WDR27: variants seen among roughly 807,000 people sequenced by gnomAD.
WDR27 encodes the protein WD repeat-containing protein 27.
In WDR27, 100 loss-of-function variants were observed where a neutral mutation model predicts 114.4. The observed-to-expected ratio is 0.87, with a 90% CI of 0.74 to 1.03. The LOEUF (loss-of-function observed/expected upper bound fraction) is 1.03, where lower values mean the gene tolerates loss of function less well. WDR27 is among the 50% of genes least tolerant of loss of function. WDR27 has a pLI of 0.00. For synonymous variants in WDR27, 449 were observed against 423.1 expected (o/e 1.06, Z -0.75); for missense variants, 1,129 against 1,092.9 (o/e 1.03, Z -0.47).
intron 21 of WDR27, among the ~76,000 whole-genome samples, chr6:169,619,237 T>C (rs917400591): frequency 6.6e-6 from 1 of 152,168 alleles, no homozygotes; most frequent in Non-Finnish European, 1.5e-5. Flanking sequence ...TCTCCTTGAA[T>C]TGGGAAATTA....
intron 17 of WDR27, among the ~76,000 whole-genome samples, chr6:169,643,446 ACT>A (rs1486959769): frequency 6.6e-6 from 1 of 152,184 alleles, no homozygotes; most frequent in Non-Finnish European, 1.5e-5. Context: ...CTCCCCTAAA[ACT>A]CTACAAATGA....
intron 23 of WDR27, among the ~76,000 whole-genome samples, chr6:169,589,759 C>T (rs1471444642): frequency 6.6e-6 from 1 of 151,998 alleles, no homozygotes; most frequent in Non-Finnish European, 1.5e-5. Flanking sequence ...TGACACAGAG[C>T]GATGGTAATG....
intron 25 of WDR27, among the ~76,000 whole-genome samples, chr6:169,480,291 C>A (rs952633879): frequency 4.6e-5 from 7 of 152,296 alleles, no homozygotes; most frequent in Non-Finnish European, 8.8e-5. Context: ...GGGCTCGGGA[C>A]CTGCAGCCTG....
intron 25 of WDR27, among the ~76,000 whole-genome samples, chr6:169,570,583 CTT>C (rs1216305774): frequency 2.0e-5 from 3 of 152,198 alleles, no homozygotes; most frequent in Admixed American, 2.0e-4. Context: ...AATCCCAACA[CTT>C]TGGGAGGCCT....
chr6:169,482,509 A>G (rs1186880758), intron 25 of WDR27, among the ~76,000 whole-genome samples: 1 of 152,190 alleles, frequency 6.6e-6, no homozygotes, highest in Non-Finnish European at 1.5e-5. Flanking sequence ...CATTTCTCTT[A>G]TAATCAGTGA....
intron 2 of WDR27, 116 bp downstream of exon 2, chr6:169,688,701 T>C: frequency 1.8e-6 from 1 of 559,290 alleles, no homozygotes; most frequent in Non-Finnish European, 2.9e-6. Flanking sequence ...ATCAATATTT[T>C]TCTCCTATAG....
chr6:169,473,780 A>T (rs546175570), intron 25 of WDR27, among the ~76,000 whole-genome samples: 1 of 152,332 alleles, frequency 6.6e-6, no homozygotes, highest in Non-Finnish European at 1.5e-5. Context: ...TTCTCCTTAC[A>T]CTTCTTTCTC....
At chr6:169,530,445 T>A (rs1006189521) in intron 25 of WDR27, among the ~76,000 whole-genome samples, 2 of 152,234 alleles carry the variant, frequency 1.3e-5, no homozygotes, top group Non-Finnish European at 2.9e-5. Flanking sequence ...TATCAACATT[T>A]ACAAATGCTG....
At chr6:169,499,235 G>C (rs116636964) in intron 25 of WDR27, among the ~76,000 whole-genome samples, 1 of 152,192 alleles carries the variant, frequency 6.6e-6, no homozygotes, top group South Asian at 2.1e-4. Context: ...ATGTTCTCCC[G>C]GAGCCCAGCG....
At chr6:169,558,094 G>A (rs1363280556) in intron 25 of WDR27, among the ~76,000 whole-genome samples, 1 of 151,946 alleles carries the variant, frequency 6.6e-6, no homozygotes, top group African/African-American at 2.4e-5. Flanking sequence ...GGTGTGCCCT[G>A]CATTTCATCA....
intron 24 of WDR27, among the ~76,000 whole-genome samples, chr6:169,573,627 T>C (rs901947444): frequency 1.1e-4 from 17 of 152,154 alleles, no homozygotes; most frequent in African/African-American, 3.9e-4. Flanking sequence ...AATAGAAAAT[T>C]GATGATTGCG....
At chr6:169,469,059 T>C (rs1785986584) in intron 25 of WDR27, among the ~76,000 whole-genome samples, 1 of 152,202 alleles carries the variant, frequency 6.6e-6, no homozygotes, top group Non-Finnish European at 1.5e-5. Flanking sequence ...CCAAACACAG[T>C]CATACTGGGG....
chr6:169,446,118 G>A, the WDR27 span, among the ~76,000 whole-genome samples: 2 of 152,262 alleles, frequency 1.3e-5, no homozygotes, highest in Non-Finnish European at 2.9e-5. Flanking sequence ...CCCGGACGGA[G>A]GGCGAGCACT....
At chr6:169,426,723 G>A in the WDR27 span, 2 of 152,294 alleles carry the variant, frequency 1.3e-5, no homozygotes, top group African/African-American at 2.4e-5. Flanking sequence ...TTTTTACTGG[G>A]TTCCATTGGT....
At chr6:169,640,620 G>A (rs913277472) in intron 17 of WDR27, among the ~76,000 whole-genome samples, 1 of 152,204 alleles carries the variant, frequency 6.6e-6, no homozygotes. Flanking sequence ...AGCGGTGTCC[G>A]CAGCTCTGCA....
At position 169,638,607 on chromosome 6, in the gene WDR27, G is replaced by GCAGC. The variant is rs1818324598; in HGVS notation, c.1797_1800dup (p.Leu601AlafsTer31). The stretch of plus-strand genomic sequence containing the variant: ...AGGGTCCCGTCCCGGGCCGCAGAGA[G>GCAGC]CAGCCACCTCCGGTCCTGGCTCCAG... On this transcript the variant is annotated frameshift_variant, in exon 18 of 26. Transcript: ENST00000448612. LOFTEE classifies it high-confidence loss of function. 1 of 1,608,760 alleles carries GCAGC rather than the reference G, an allele frequency of 6.2e-7. No homozygotes were observed. Among genetic ancestry groups the GCAGC allele is most frequent in the Admixed American group, 1.7e-5 (1 of 59,400 alleles).
chr6:169,498,156 C>A (rs1453429945), intron 25 of WDR27, among the ~76,000 whole-genome samples: 1 of 151,884 alleles, frequency 6.6e-6, no homozygotes, highest in Non-Finnish European at 1.5e-5. Context: ...CCAGTTACAA[C>A]AGGGCAAATG....
chr6:169,557,981 C>T (rs1022024454), intron 25 of WDR27, among the ~76,000 whole-genome samples: 4 of 151,978 alleles, frequency 2.6e-5, no homozygotes, highest in African/African-American at 9.7e-5. Context: ...ATAAAGCCCT[C>T]TTAACTTTAT....
chr6:169,492,585 G>A lies in WDR27; in HGVS notation c.2646-34951C>T, dbSNP rs117552651. Among the ~76,000 whole-genome samples the A allele has an allele frequency of 1.3e-3, 204 of 152,024 alleles. 4 individuals carry two copies. In the East Asian group the frequency reaches 0.032, roughly 24 times the overall value. On this transcript the variant is annotated intron_variant, in intron 25 of 25. Coordinates refer to ENST00000448612, the MANE Select transcript of WDR27 (RefSeq NM_182552.5). ...TATACCAAGCTAAATTATCATTTAG[G>A]TGTGAGGGCAAAATGAAGACATTTT...
Sources: gnomAD v4.1 joint callset for allele counts (sites outside exome capture counted in the v4.1 genomes callset) on GRCh38, gnomAD v4.1.1 for gene constraint, MANE v1.5 for transcripts, NCBI Gene and HGNC (gene_info 2026-07-23, HGNC 2026-07-21) for gene names.